ARHGEF7: variants seen among roughly 807,000 people sequenced by gnomAD.
ARHGEF7 encodes PAK-interacting exchange factor beta.
In ARHGEF7, 33 loss-of-function variants were observed where a neutral mutation model predicts 109.8. That is an observed-to-expected ratio of 0.30 (90% CI 0.23 to 0.40). The LOEUF is 0.40. Among genes scored for constraint, ARHGEF7 ranks in the 10% least tolerant of loss-of-function variants. The pLI is 1.00. For synonymous variants in ARHGEF7, 458 were observed against 424.6 expected (o/e 1.08, Z -0.97); for missense variants, 938 against 1,098.5 (o/e 0.85, Z 2.07).
chr13:111,122,854 C>T (rs2067285491), intron 1 of ARHGEF7: 1 of 152,294 alleles, frequency 6.6e-6, no homozygotes, highest in Non-Finnish European at 1.5e-5. Context: ...CTGAGGGCAC[C>T]TGCATGTGGT....
At chr13:111,203,563 G>A (rs142346321) in intron 2 of ARHGEF7, among the ~76,000 whole-genome samples, 28 of 152,292 alleles carry the variant, frequency 1.8e-4, no homozygotes, top group African/African-American at 6.5e-4. Context: ...GCTTAGATGT[G>A]TTCACAGCTT....
intron 16 of ARHGEF7, among the ~76,000 whole-genome samples, chr13:111,285,197 G>A (rs1445997534): frequency 6.6e-6 from 1 of 151,974 alleles, no homozygotes; most frequent in Non-Finnish European, 1.5e-5. Context: ...GAGTCCCCAG[G>A]GTCTGTCATT....
chr13:111,153,943 C>T lies in ARHGEF7; in HGVS notation c.204C>T (p.Ser68=), dbSNP rs1339720813. The part of the protein sequence containing the change: ...PEPRSESECL[S]NIREFLRGCG... ...CCCGGAGCGAGAGCGAGTGCCTGAG[C>T]AACATCCGCGAGTTCCTGCGCGGCT... The change falls in exon 2 of 22, where the codon AGC becomes AGT. Residue 68 remains serine, a synonymous_variant. Transcript: ENST00000646102. 1.2e-6 allele frequency: 2 copies of T among 1,605,582 alleles called. No homozygotes were observed. Among genetic ancestry groups the T allele is most frequent in the East Asian group, 4.6e-5 (2 of 43,638 alleles).
At position 111,131,580 on chromosome 13, in the gene ARHGEF7, GC is replaced by G. The variant is rs926264122; in HGVS notation, c.165+15891del. On this transcript the variant is annotated intron_variant, in intron 1 of 21. Coordinates refer to ENST00000646102, the MANE Select transcript of ARHGEF7 (RefSeq NM_001354046.2). The surrounding 1 kb of genome is among the most constrained non-coding windows in gnomAD (Gnocchi z 4.4). Reference sequence around the variant, plus strand: ...GCGAACGTGAGAAGGCCAAGGGCCAGCCTTGGGAAGGGTGGAGATGAATAAC... The same window carrying G: ...GCGAACGTGAGAAGGCCAAGGGCCAGCTTGGGAAGGGTGGAGATGAATAAC... Among the ~76,000 whole-genome samples the G allele has an allele frequency of 6.6e-6, 1 of 152,214 alleles. No homozygotes were observed. Among genetic ancestry groups the G allele is most frequent in the Admixed American group, 6.5e-5 (1 of 15,290 alleles).
intron 1 of ARHGEF7, among the ~76,000 whole-genome samples, chr13:111,147,238 G>A (rs1223987649): frequency 2.0e-5 from 3 of 152,186 alleles, no homozygotes; most frequent in African/African-American, 7.2e-5. Context: ...GCCGGTCTTA[G>A]GGTAGATGTA....
intron 8 of ARHGEF7, among the ~76,000 whole-genome samples, chr13:111,257,034 A>C (rs2090505484): frequency 6.6e-6 from 1 of 152,190 alleles, no homozygotes; most frequent in African/African-American, 2.4e-5. Flanking sequence ...AAGTTGTAAT[A>C]ATCTACAGAT....
intron 6 of ARHGEF7, among the ~76,000 whole-genome samples, chr13:111,241,816 A>G (rs1053897618): frequency 6.6e-6 from 1 of 152,186 alleles, no homozygotes; most frequent in Non-Finnish European, 1.5e-5. Flanking sequence ...TTGGTATCCA[A>G]TATTTGTAAT....
At chr13:111,216,754 C>T (rs867661773) in intron 4 of ARHGEF7, among the ~76,000 whole-genome samples, 4 of 152,270 alleles carry the variant, frequency 2.6e-5, no homozygotes, top group South Asian at 2.1e-4. Context: ...GTCTGCCAGG[C>T]GGCCCTTTTC....
At chr13:111,245,201 G>T (rs768334443) in intron 8 of ARHGEF7, among the ~76,000 whole-genome samples, 1 of 152,158 alleles carries the variant, frequency 6.6e-6, no homozygotes, top group Non-Finnish European at 1.5e-5. Flanking sequence ...TAATGGTTTT[G>T]TGGAGATTCA....
At chr13:111,165,332 C>G (rs762435220) in intron 2 of ARHGEF7, among the ~76,000 whole-genome samples, 17 of 152,224 alleles carry the variant, frequency 1.1e-4, no homozygotes, top group Non-Finnish European at 2.5e-4. Context: ...TCATGCCTGG[C>G]CCATGTGGGC....
Position 111,154,001 on chromosome 13 carries a change from G to T in ARHGEF7, c.252+10G>T. The stretch of plus-strand genomic sequence containing the variant: ...TTCCCTGCGGCTGGAGGTGAGCGCG[G>T]GCGGCCACGGGCCGAGGGAGGGGCC... On this transcript the variant is annotated intron_variant, in intron 2 of 21. Transcript: ENST00000646102. The T allele has an allele frequency of 6.3e-7, 1 of 1,594,882 alleles. No homozygotes were observed. Among genetic ancestry groups the T allele is most frequent in the Non-Finnish European group, 8.5e-7 (1 of 1,174,084 alleles).
rs1201787641 is a variant in ARHGEF7 at position 111,304,532 on chromosome 13, ACT to A, written c.*1424_*1425del. The stretch of plus-strand genomic sequence containing the variant: ...AACAACTCATTGCGCATCAGATTTG[ACT>A]CTCTGATTTTCTGTCTATTGGCCAA... On this transcript the variant is annotated 3_prime_UTR_variant, in exon 22 of 22. Coordinates refer to ENST00000646102, the MANE Select transcript of ARHGEF7 (RefSeq NM_001354046.2). 5.9e-5 allele frequency: 9 copies of A among 152,000 alleles called. No individual in the cohort carries two copies. Among genetic ancestry groups the A allele is most frequent in the African/African-American group, 9.7e-5 (4 of 41,354 alleles). 9.4% of individuals were successfully genotyped at this position (152,000 alleles called of 1,614,324 possible). A position where few individuals can be genotyped will look rare whatever the true frequency, so the allele number is the denominator to read the frequency against.
chr13:111,129,559 TG>T (rs1370071116), intron 1 of ARHGEF7, among the ~76,000 whole-genome samples: 1 of 152,208 alleles, frequency 6.6e-6, no homozygotes, highest in African/African-American at 2.4e-5. Context: ...AATGGGCAAA[TG>T]GTTTGAATAG....
At chr13:111,224,908 C>T (rs527349694) in intron 5 of ARHGEF7, among the ~76,000 whole-genome samples, 1 of 152,200 alleles carries the variant, frequency 6.6e-6, no homozygotes, top group South Asian at 2.1e-4. Context: ...ACAGGATGGA[C>T]CTCTCAGCAC....
intron 17 of ARHGEF7, 126 bp from the exon 18 acceptor site, chr13:111,288,228 G>C (rs1425593584): frequency 2.1e-6 from 1 of 472,846 alleles, no homozygotes; most frequent in African/African-American, 1.9e-5. Context: ...TATCTGACAA[G>C]AAAATCAAGG....
chr13:111,218,952 T>C (rs1351047701), intron 5 of ARHGEF7, among the ~76,000 whole-genome samples: 1 of 152,214 alleles, frequency 6.6e-6, no homozygotes, highest in Non-Finnish European at 1.5e-5. Context: ...GCAGCCCTTA[T>C]TTGTAAACTT....
chr13:111,143,304 C>T (rs959945460), intron 1 of ARHGEF7, among the ~76,000 whole-genome samples: 1 of 152,140 alleles, frequency 6.6e-6, no homozygotes, highest in Non-Finnish European at 1.5e-5. Context: ...TGAAACTCAC[C>T]CAGACAATGA....
At chr13:111,200,881 T>A (rs1310113537) in intron 2 of ARHGEF7, among the ~76,000 whole-genome samples, 1 of 152,230 alleles carries the variant, frequency 6.6e-6, no homozygotes, top group Non-Finnish European at 1.5e-5. Context: ...AGACTTAATG[T>A]CTGGCTTTTG....
rs772912273 is a variant in ARHGEF7 at position 111,209,877 on chromosome 13, G to T, written c.343G>T (p.Gly115Trp). Residue 115 changes from glycine to tryptophan, a missense_variant, in exon 4 of 22, where the codon GGG (glycine) becomes TGG (tryptophan). By Grantham distance (184) the Gly-to-Trp change is radical (BLOSUM62 -2). Coordinates refer to ENST00000646102, the MANE Select transcript of ARHGEF7 (RefSeq NM_001354046.2). ...VTLNKVTADI[G>W]LGSDSVCARP... ...TGTGTGCATGCTCTTTGCAGACATC[G>T]GGCTGGGGAGTGACTCCGTGTGTGC... 6.2e-7 allele frequency: 1 copy of T among 1,614,078 alleles called. No individual in the cohort carries two copies. The highest frequency in any genetic ancestry group is 2.2e-5 in the East Asian group (1 of 44,880).
Sources: allele counts gnomAD v4.1 joint callset (sites outside exome capture counted in the v4.1 genomes callset), GRCh38; gene constraint gnomAD v4.1.1; non-coding constraint Gnocchi (gnomAD v3.1); transcripts MANE v1.5; gene names NCBI Gene and HGNC (gene_info 2026-07-23, HGNC 2026-07-21).